The following NAALADL2 variants were observed in gnomAD, a reference collection of about 807,000 sequenced individuals.
The protein encoded by NAALADL2 is N-acetylated alpha-linked acidic dipeptidase like 2.
A neutral mutation model predicts 87.2 loss-of-function variants in NAALADL2; 76 were observed. The ratio of observed to expected loss-of-function variants is 0.87; its 90% confidence interval spans 0.72 to 1.05. The LOEUF (loss-of-function observed/expected upper bound fraction) is 1.05, where lower values mean the gene tolerates loss of function less well. Among genes scored for constraint, NAALADL2 ranks in the 50% least tolerant of loss-of-function variants. The probability of loss-of-function intolerance (pLI) is 0.00; values close to 1 mark genes in which losing one functional copy is unlikely to be tolerated. For synonymous variants in NAALADL2, 354 were observed against 331.0 expected (o/e 1.07, Z -0.75); for missense variants, 1,089 against 945.8 (o/e 1.15, Z -1.99).
chr3:174,781,187 C>G (rs1715937319), intron 3 of NAALADL2, among the ~76,000 whole-genome samples: 1 of 152,030 alleles, frequency 6.6e-6, no homozygotes, highest in Admixed American at 6.6e-5. Context: ...GTAACCCGAC[C>G]TTTCTCTCTG....
intron 1 of NAALADL2, among the ~76,000 whole-genome samples, chr3:174,974,631 G>T (rs561210831): frequency 6.6e-6 from 1 of 152,242 alleles, no homozygotes; most frequent in African/African-American, 2.4e-5. Flanking sequence ...CATGGTGATT[G>T]TTTGGAATTT....
At chr3:175,795,857 C>CTT (rs1341664694) in intron 13 of NAALADL2, among the ~76,000 whole-genome samples, 2 of 151,678 alleles carry the variant, frequency 1.3e-5, no homozygotes, top group Non-Finnish European at 2.9e-5. Flanking sequence ...GCCCTTTAAG[C>CTT]TTTACTTAGC....
At chr3:175,649,680 A>T (rs960519930) in intron 11 of NAALADL2, among the ~76,000 whole-genome samples, 1 of 152,052 alleles carries the variant, frequency 6.6e-6, no homozygotes, top group African/African-American at 2.4e-5. Context: ...ATCTCTTCTT[A>T]TGAGTACAGT....
At chr3:175,491,159 A>G (rs1440887699) in intron 9 of NAALADL2, among the ~76,000 whole-genome samples, 2 of 124,406 alleles carry the variant, frequency 1.6e-5, no homozygotes, top group Non-Finnish European at 3.6e-5. Context: ...TTCTGTCAGG[A>G]AATATTTTAT....
chr3:175,627,509 A>G, intron 11 of NAALADL2, 123 bp downstream of exon 11: 2 of 637,170 alleles, frequency 3.1e-6, no homozygotes, highest in East Asian at 5.8e-5. Flanking sequence ...AATATATAAG[A>G]AAGGATTTTA....
chr3:175,607,898 A>AAC (rs759390811), intron 10 of NAALADL2, among the ~76,000 whole-genome samples: 26,716 of 109,386 alleles, frequency 0.24, 2,559 homozygotes, highest in African/African-American at 0.27. Context: ...GGTGACATGG[A>AAC]ACACACACAC....
intron 9 of NAALADL2, among the ~76,000 whole-genome samples, chr3:175,541,775 T>G (rs763620759): frequency 1.8e-4 from 28 of 152,134 alleles, no homozygotes; most frequent in Non-Finnish European, 3.4e-4. Context: ...CAGGCTAGAG[T>G]GCAGTGGCAT....
intron 2 of NAALADL2, among the ~76,000 whole-genome samples, chr3:175,181,824 AT>A (rs1736606450): frequency 6.7e-6 from 1 of 150,156 alleles, no homozygotes; most frequent in Non-Finnish European, 1.5e-5. Context: ...TATATTCACT[AT>A]TGTGAATAAT....
intron 3 of NAALADL2, among the ~76,000 whole-genome samples, chr3:174,806,916 A>G (rs191503183): frequency 4.3e-4 from 66 of 152,296 alleles, no homozygotes; most frequent in Middle Eastern, 3.4e-3. Context: ...GCCATCTAGT[A>G]AACAAGGCAG....
intron 1 of NAALADL2, among the ~76,000 whole-genome samples, chr3:174,985,827 C>G (rs754293791): frequency 1.3e-5 from 2 of 151,948 alleles, no homozygotes; most frequent in Non-Finnish European, 2.9e-5. Flanking sequence ...TGGTGCATGC[C>G]TGTAATCCCA....
intron 5 of NAALADL2, among the ~76,000 whole-genome samples, chr3:175,418,439 A>G (rs1236857709): frequency 6.6e-6 from 1 of 152,158 alleles, no homozygotes; most frequent in Non-Finnish European, 1.5e-5. Flanking sequence ...GGTTGTATTC[A>G]ATTTATAAAG....
At chr3:174,859,013 A>G (rs1024247063), upstream of NAALADL2, among the ~76,000 whole-genome samples, 10 of 152,116 alleles carry the variant, frequency 6.6e-5, no homozygotes, top group Admixed American at 6.6e-5. Flanking sequence ...TCTGTAGGAA[A>G]AGTAGATTAG....
intron 1 of NAALADL2, among the ~76,000 whole-genome samples, chr3:174,990,056 G>A (rs1452099909): frequency 6.6e-6 from 1 of 152,128 alleles, no homozygotes; most frequent in East Asian, 1.9e-4. Flanking sequence ...GGTGTTTTGT[G>A]TAAGTAAATC....
At chr3:175,579,286 A>G (rs1719390219) in intron 10 of NAALADL2, among the ~76,000 whole-genome samples, 1 of 152,142 alleles carries the variant, frequency 6.6e-6, no homozygotes, top group Non-Finnish European at 1.5e-5. Flanking sequence ...GTGAATCATG[A>G]TAATAGGTGA....
intron 9 of NAALADL2, among the ~76,000 whole-genome samples, chr3:175,568,172 G>A (rs762666505): frequency 1.1e-4 from 17 of 150,422 alleles, no homozygotes; most frequent in Non-Finnish European, 2.2e-4. Context: ...ATTAGATGTC[G>A]GCATTTAGAA....
At chr3:175,802,527 C>A (rs1754293687) in intron 13 of NAALADL2, among the ~76,000 whole-genome samples, 1 of 151,928 alleles carries the variant, frequency 6.6e-6, no homozygotes, top group South Asian at 2.1e-4. Flanking sequence ...CATTGAGAAA[C>A]CCTGGTCTAT....
At chr3:175,093,960 G>T (rs899912654) in intron 1 of NAALADL2, among the ~76,000 whole-genome samples, 1 of 151,978 alleles carries the variant, frequency 6.6e-6, no homozygotes, top group Non-Finnish European at 1.5e-5. Flanking sequence ...GGCTAGAGAT[G>T]AAAACTCTGC....
At chr3:174,811,659 TTTGAG>T (rs1720226889) in intron 3 of NAALADL2, among the ~76,000 whole-genome samples, 1 of 152,110 alleles carries the variant, frequency 6.6e-6, no homozygotes, top group Non-Finnish European at 1.5e-5. Context: ...ACTTTGGACT[TTTGAG>T]TTAATGCTAG....
chr3:174,767,342 T>G (rs2109094244), intron 3 of NAALADL2, among the ~76,000 whole-genome samples: 1 of 152,316 alleles, frequency 6.6e-6, no homozygotes. Flanking sequence ...AGTGTGAGAT[T>G]CTTTTATTAA....
Sources: allele counts gnomAD v4.1 joint callset (sites outside exome capture counted in the v4.1 genomes callset), GRCh38; gene constraint gnomAD v4.1.1; transcripts MANE v1.5; gene names NCBI Gene and HGNC (gene_info 2026-07-23, HGNC 2026-07-21).